The following ZNF536 variants were observed in gnomAD, a reference collection of about 807,000 sequenced individuals.
ZNF536 encodes the protein zinc finger protein 536.
In ZNF536, 13 loss-of-function variants were observed where a neutral mutation model predicts 84.5. The ratio of observed to expected loss-of-function variants is 0.15; its 90% CI spans 0.10 to 0.24. The LOEUF (loss-of-function observed/expected upper bound fraction) is 0.24. Ranked by LOEUF, ZNF536 falls within the 10% of genes least tolerant of loss-of-function variation. ZNF536 has a pLI of 1.00. For synonymous variants in ZNF536, 811 were observed against 742.5 expected (o/e 1.09, Z -1.50); for missense variants, 1,536 against 1,747.5 (o/e 0.88, Z 2.16).
At chr19:30,235,596 A>G (rs1197451183) in intron 1 of ZNF536, among the ~76,000 whole-genome samples, 1 of 152,260 alleles carries the variant, frequency 6.6e-6, no homozygotes, top group Non-Finnish European at 1.5e-5. Context: ...ATTTAATTTT[A>G]TCTTCTGAAA....
intron 2 of ZNF536, among the ~76,000 whole-genome samples, chr19:30,459,819 C>T (rs1038582551): frequency 6.6e-6 from 1 of 152,210 alleles, no homozygotes; most frequent in Non-Finnish European, 1.5e-5. Context: ...CGAGCAGTCA[C>T]TGATGCTGTC....
chr19:30,578,936 G>A (rs952947001), intron 1 of ZNF536, among the ~76,000 whole-genome samples: 6 of 152,218 alleles, frequency 3.9e-5, no homozygotes, highest in Non-Finnish European at 8.8e-5. Flanking sequence ...TTGTGGCCCA[G>A]TTCTACTGCT....
chr19:30,446,842 A>C (rs907251470), intron 2 of ZNF536, among the ~76,000 whole-genome samples: 3 of 36,338 alleles, frequency 8.3e-5, no homozygotes, highest in Non-Finnish European at 2.3e-4. Flanking sequence ...ACAACAACAA[A>C]ACACGCTAGC....
rs2051211483 is a variant in ZNF536, at chr19:30,426,311, CA to C, written c.-2-17249del. 2.0e-5 allele frequency among the ~76,000 whole-genome samples: 3 copies of C among 152,152 alleles called. No individual in the cohort carries two copies. The South Asian group carries it at 6.2e-4, about 32-fold the overall frequency. On this transcript the variant is annotated intron_variant, in intron 1 of 4. Coordinates refer to ENST00000355537, the MANE Select transcript of ZNF536 (RefSeq NM_014717.3). The stretch of plus-strand genomic sequence containing the variant: ...AATTTATGAGGTGCCTTGATTTATG[CA>C]TTTCATGGTGGGGGGATGTCATGTT...
At chr19:30,503,354 C>T (rs983468340) in intron 2 of ZNF536, among the ~76,000 whole-genome samples, 14 of 151,922 alleles carry the variant, frequency 9.2e-5, no homozygotes, top group Non-Finnish European at 2.9e-5. Context: ...CATGAGCAGG[C>T]GATTCAGAGA....
chr19:30,498,258 A>G (rs1226516599), intron 2 of ZNF536, among the ~76,000 whole-genome samples: 3 of 152,250 alleles, frequency 2.0e-5, no homozygotes, highest in Non-Finnish European at 4.4e-5. Context: ...CTATGCAGCC[A>G]TAAAAAGGAA....
At chr19:30,632,651 AAACCAACCAACCAACCAACCAACCAACC>A (rs34446654) in intron 1 of ZNF536, among the ~76,000 whole-genome samples, 83 of 149,714 alleles carry the variant, frequency 5.5e-4, no homozygotes, top group Non-Finnish European at 1.1e-3. Flanking sequence ...ATCAACCAAC[AAACCAACCAACCAACCAACCAACCAACC>A]AACCAACCAA....
intron 4 of ZNF536, among the ~76,000 whole-genome samples, chr19:30,553,734 G>T (rs2045865136): frequency 6.6e-6 from 1 of 152,236 alleles, no homozygotes. Context: ...GGAGGCTGAG[G>T]CAGGGGCGTT....
chr19:30,545,812 G>C (rs2045530093), intron 3 of ZNF536, among the ~76,000 whole-genome samples: 1 of 152,176 alleles, frequency 6.6e-6, no homozygotes, highest in Non-Finnish European at 1.5e-5. Context: ...TGAGAGGAAA[G>C]TCCACCTTCC....
chr19:30,460,162 C>T (rs2053068251), intron 2 of ZNF536, among the ~76,000 whole-genome samples: 1 of 152,116 alleles, frequency 6.6e-6, no homozygotes, highest in African/African-American at 2.4e-5. Context: ...ACTATTATGC[C>T]CATTCCTGAA....
At chr19:30,664,787 T>G (rs1473877246) in intron 1 of ZNF536, among the ~76,000 whole-genome samples, 1 of 152,212 alleles carries the variant, frequency 6.6e-6, no homozygotes, top group African/African-American at 2.4e-5. Flanking sequence ...AAGAGCGCTT[T>G]CTGCTATGAA....
rs552042355 is a variant in ZNF536 at position 30,622,614 on chromosome 19, T to C, written c.169+73100T>C. Reference sequence around the variant, plus strand: ...AGGAGGCTTATTTGGGATGCTGTGCTTTACACCTCTGTATTTTCAGACTAT... The same window carrying C: ...AGGAGGCTTATTTGGGATGCTGTGCCTTACACCTCTGTATTTTCAGACTAT... On this transcript the variant is annotated intron_variant, in intron 1 of 1. Transcript: ENST00000592773. Among the ~76,000 whole-genome samples, 6 of 152,226 alleles carry C rather than the reference T, an allele frequency of 3.9e-5. No homozygotes were observed. The South Asian group carries it at 1.2e-3, about 32-fold the overall frequency.
chr19:30,475,103 T>C (rs542680416), intron 2 of ZNF536, among the ~76,000 whole-genome samples: 1 of 152,316 alleles, frequency 6.6e-6, no homozygotes, highest in Admixed American at 6.5e-5. Context: ...TATTTTGAGA[T>C]CAAGTCTTGC....
rs1055121037 is a variant in ZNF536 at position 30,549,615 on chromosome 19, G to C, written c.3895+101G>C. ...GTAGACTTATCCATGAGCAACTTTT[G>C]AATGAAATATTTGAAAAAACCCTCA... On this transcript the variant is annotated intron_variant, in intron 4 of 4. Transcript: ENST00000355537. 4.5e-6 allele frequency: 6 copies of C among 1,332,546 alleles called. No individual in the cohort carries two copies. The African/African-American group carries it at 8.8e-5, about 20-fold the overall frequency. 82.5% of individuals were successfully genotyped at this position (1,332,546 alleles called of 1,614,324 possible). A position where few individuals can be genotyped will look rare whatever the true frequency, so the allele number is the denominator to read the frequency against.
intron 2 of ZNF536, among the ~76,000 whole-genome samples, chr19:30,314,496 GT>G (rs1358612102): frequency 7.9e-5 from 12 of 152,250 alleles, no homozygotes; most frequent in African/African-American, 2.9e-4. Flanking sequence ...CTCCACCCTT[GT>G]GGCTGCCCTC....
intron 2 of ZNF536, among the ~76,000 whole-genome samples, chr19:30,482,546 C>CT (rs5827717): frequency 0.22 from 32,484 of 149,700 alleles, 4,309 homozygotes; most frequent in East Asian, 0.39. Flanking sequence ...AAGATTCTTG[C>CT]TTTTTTTTTT....
chr19:30,566,661 C>T (rs999170700), intron 1 of ZNF536, among the ~76,000 whole-genome samples: 6 of 151,248 alleles, frequency 4.0e-5, no homozygotes, highest in African/African-American at 1.2e-4. Context: ...TGCCTGTGGC[C>T]TCTCCGGACA....
intron 1 of ZNF536, among the ~76,000 whole-genome samples, chr19:30,388,910 G>A (rs2049460708): frequency 1.3e-5 from 2 of 152,206 alleles, no homozygotes; most frequent in Non-Finnish European, 2.9e-5. Context: ...CATTTATGTA[G>A]GGTGAGCTGA....
intron 1 of ZNF536, among the ~76,000 whole-genome samples, chr19:30,401,436 G>C (rs1205014369): frequency 6.6e-6 from 1 of 152,216 alleles, no homozygotes; most frequent in Non-Finnish European, 1.5e-5. Context: ...ATGGATGTGA[G>C]CACTGGAACT....
Sources: gnomAD v4.1 joint callset for allele counts (sites outside exome capture counted in the v4.1 genomes callset) on GRCh38, gnomAD v4.1.1 for gene constraint, MANE v1.5 for transcripts, NCBI Gene and HGNC (gene_info 2026-07-23, HGNC 2026-07-21) for gene names.